Variants in DHTKD1 observed in about 807,000 individuals in gnomAD.
DHTKD1 encodes dehydrogenase E1 and transketolase domain containing 1.
A neutral mutation model predicts 101.8 loss-of-function variants in DHTKD1; 78 were observed. That is an observed-to-expected ratio of 0.77 (90% CI 0.64 to 0.93). The LOEUF (loss-of-function observed/expected upper bound fraction) is 0.93, where lower values mean the gene tolerates loss of function less well. Ranked by LOEUF, DHTKD1 falls within the 40% of genes least tolerant of loss-of-function variation. The pLI, the probability that DHTKD1 is intolerant of heterozygous loss-of-function variation, is 0.00. For synonymous variants in DHTKD1, 462 were observed against 450.3 expected (o/e 1.03, Z -0.33); for missense variants, 1,223 against 1,161.7 (o/e 1.05, Z -0.77).
intron 7 of DHTKD1, among the ~76,000 whole-genome samples, chr10:12,096,854 T>G (rs972838518): frequency 2.0e-5 from 3 of 152,126 alleles, no homozygotes; most frequent in Non-Finnish European, 2.9e-5. Context: ...TGGAGCAACT[T>G]TGGGTTCCAT....
chr10:12,118,484 G>A (rs548898616), intron 14 of DHTKD1, among the ~76,000 whole-genome samples: 4 of 150,706 alleles, frequency 2.7e-5, no homozygotes, highest in South Asian at 4.2e-4. Flanking sequence ...CCGGGTTCAC[G>A]CCATTCTCCT....
Position 12,101,344 on chromosome 10 carries a change from C to T in DHTKD1, c.1896+163C>T, listed in dbSNP as rs528347326. 2.6e-5 allele frequency among the ~76,000 whole-genome samples: 4 copies of T among 152,284 alleles called. No individual in the cohort carries two copies. In the South Asian group the frequency reaches 8.3e-4, roughly 32 times the overall value. ...GAGGTGGGTCTGTCAATTTGGAATG[C>T]AAGTAACCCCTAGAGAGTAGGCTGG... On this transcript the variant is annotated intron_variant, in intron 10 of 16. Transcript: ENST00000263035.
At chr10:12,080,654 T>G (rs1490017694) in intron 1 of DHTKD1, among the ~76,000 whole-genome samples, 1 of 148,850 alleles carries the variant, frequency 6.7e-6, no homozygotes, top group Non-Finnish European at 1.5e-5. Flanking sequence ...CAGGTTGCAG[T>G]GAGCCAAGAT....
Position 12,112,973 on chromosome 10 carries a change from C to A in DHTKD1, c.2228C>A (p.Ala743Glu), listed in dbSNP as rs368114262. Residue 743 changes from alanine (A) to glutamate (E), a missense_variant, in exon 13 of 17, where the codon GCA becomes GAA. By Grantham distance (107) the Ala-to-Glu change is moderately radical. Coordinates refer to ENST00000263035, the MANE Select transcript of DHTKD1 (RefSeq NM_018706.7). ...TTTGTGGTTCACCCAACAACTCCTG[C>A]ACAGTATTTCCACTTGCTTAGGAGA... is the stretch of plus-strand genomic sequence containing the variant. ...NMFVVHPTTP[A>E]QYFHLLRRQM... 8.1e-6 allele frequency: 13 copies of A among 1,613,962 alleles called. No homozygotes were observed. The highest frequency in any genetic ancestry group is 1.7e-5 in the Admixed American group (1 of 59,944).
intron 13 of DHTKD1, among the ~76,000 whole-genome samples, chr10:12,114,984 A>G (rs1833393017): frequency 6.6e-6 from 1 of 151,616 alleles, no homozygotes; most frequent in African/African-American, 2.4e-5. Flanking sequence ...TTTAGTGGAG[A>G]CAGGGTTTCA....
At chr10:12,088,710 A>G (rs1158419307) in intron 4 of DHTKD1, among the ~76,000 whole-genome samples, 1 of 151,790 alleles carries the variant, frequency 6.6e-6, no homozygotes, top group African/African-American at 2.4e-5. Context: ...CAGCCTCTCT[A>G]CTAGCTGGGA....
intron 6 of DHTKD1, among the ~76,000 whole-genome samples, chr10:12,093,045 AT>A (rs34443347): frequency 0.016 from 2,196 of 138,582 alleles, 20 homozygotes; most frequent in Middle Eastern, 0.029. Context: ...TGCACAGCTA[AT>A]TTTTTTTTTT....
In DHTKD1 at chr10:12,110,431, C is replaced by T. The variant is rs1334141714; in HGVS notation, c.2154+2416C>T. Among the ~76,000 whole-genome samples, 2 of 152,054 alleles carry T rather than the reference C, an allele frequency of 1.3e-5. No homozygotes were observed. The highest frequency in any genetic ancestry group is 6.6e-5 in the Admixed American group (1 of 15,256). ...GTGGCACAAGACAATTCTTCTTCTT[C>T]CGGTGTGGCTCAGGTAAGCCAAAAG... On this transcript the variant is annotated intron_variant, in intron 12 of 16. Transcript: ENST00000263035. The surrounding 1 kb of genome is among the most constrained non-coding windows in gnomAD (Gnocchi z 4.9).
chr10:12,096,136 A>G (rs1833068870), intron 7 of DHTKD1, among the ~76,000 whole-genome samples: 2 of 152,156 alleles, frequency 1.3e-5, no homozygotes, highest in Admixed American at 6.6e-5. Flanking sequence ...GCTGATTCAG[A>G]TGGTTAATGT....
In DHTKD1 at chr10:12,121,081, G is replaced by A; in HGVS notation, c.*193G>A. The A allele has an allele frequency of 2.2e-6, 1 of 445,808 alleles. No homozygotes were observed. The highest frequency in any genetic ancestry group is 4.9e-5 in the East Asian group (1 of 20,398). The allele number at this position is 445,808 out of a possible 1,614,324, so 27.6% of individuals were successfully genotyped here. On this transcript the variant is annotated 3_prime_UTR_variant, in exon 17 of 17. Coordinates refer to ENST00000263035, the MANE Select transcript of DHTKD1 (RefSeq NM_018706.7). ...CTAAAAATACAAAAAATAGCCGGGT[G>A]TGGTGGTGGGCACCTGTGATCCCAG...
chr10:12,083,985 T>A (rs1647907610), intron 2 of DHTKD1, among the ~76,000 whole-genome samples: 1 of 151,404 alleles, frequency 6.6e-6, no homozygotes, highest in African/African-American at 2.4e-5. Flanking sequence ...TGCAGTGGTG[T>A]GATCTCGGCT....
intron 11 of DHTKD1, among the ~76,000 whole-genome samples, chr10:12,106,972 C>A (rs1164503594): frequency 1.3e-5 from 2 of 151,798 alleles, no homozygotes; most frequent in African/African-American, 4.8e-5. Flanking sequence ...GAGAGCTGCC[C>A]ATTCTTTTTC....
chr10:12,094,989 G>A (rs1008894982), intron 7 of DHTKD1, among the ~76,000 whole-genome samples: 1 of 152,154 alleles, frequency 6.6e-6, no homozygotes, highest in East Asian at 1.9e-4. Context: ...TAGAAAAAGG[G>A]CAATAGAAAA....
intron 12 of DHTKD1, among the ~76,000 whole-genome samples, chr10:12,111,643 G>C (rs1258122743): frequency 6.6e-6 from 1 of 152,168 alleles, no homozygotes; most frequent in Non-Finnish European, 1.5e-5. Flanking sequence ...ACAGCAGCAT[G>C]GTTGGTGGCA....
At chr10:12,072,339 A>G (rs906076202) in intron 1 of DHTKD1, among the ~76,000 whole-genome samples, 28 of 152,002 alleles carry the variant, frequency 1.8e-4, no homozygotes, top group Admixed American at 6.6e-5. Flanking sequence ...GTGTGTGCCT[A>G]TAATACCGGT....
intron 1 of DHTKD1, among the ~76,000 whole-genome samples, chr10:12,071,220 A>G (rs573393003): frequency 2.0e-5 from 3 of 152,298 alleles, no homozygotes; most frequent in South Asian, 2.1e-4. Context: ...CAGAAGTTGC[A>G]TACATTGCTG....
In DHTKD1 at chr10:12,090,109, T is replaced by C. The variant is rs76520256; in HGVS notation, c.987+854T>C. 4.6e-5 allele frequency among the ~76,000 whole-genome samples: 7 copies of C among 152,306 alleles called. No individual in the cohort carries two copies. The East Asian group carries it at 9.6e-4, about 21-fold the overall frequency. The stretch of plus-strand genomic sequence containing the variant: ...AACACAACAAGTATCTTTTAGAGGT[T>C]TGGGCTGTGGTCATGTTTCTTCTGT... On this transcript the variant is annotated intron_variant, in intron 5 of 16. Transcript: ENST00000263035.
chr10:12,093,351 AT>A (rs1833021175), intron 6 of DHTKD1, among the ~76,000 whole-genome samples: 1 of 152,090 alleles, frequency 6.6e-6, no homozygotes, highest in Admixed American at 6.6e-5. Context: ...GCCACAGCTA[AT>A]TTTTAAAATA....
At chr10:12,119,112 C>T (rs1833472563) in intron 15 of DHTKD1, among the ~76,000 whole-genome samples, 194 bp downstream of exon 15, 1 of 151,524 alleles carries the variant, frequency 6.6e-6, no homozygotes, top group Admixed American at 6.6e-5. Flanking sequence ...TGAGACCATC[C>T]TGGCTAACAC....
Sources: gnomAD v4.1 joint callset for allele counts (sites outside exome capture counted in the v4.1 genomes callset) on GRCh38, gnomAD v4.1.1 for gene constraint, Gnocchi (gnomAD v3.1) non-coding constraint, MANE v1.5 for transcripts, NCBI Gene and HGNC (gene_info 2026-07-23, HGNC 2026-07-21) for gene names.